The following TTC28 variants were observed in gnomAD, a reference collection of about 807,000 sequenced individuals.
The protein encoded by TTC28 is tetratricopeptide repeat protein 28.
A neutral mutation model predicts 198.0 loss-of-function variants in TTC28; 61 were observed. That is an observed-to-expected ratio of 0.31 (90% CI 0.25 to 0.38). TTC28 has a LOEUF of 0.38. Ranked by LOEUF, TTC28 falls within the 10% of genes least tolerant of loss-of-function variation. The probability of loss-of-function intolerance (pLI) is 1.00; values close to 1 mark genes in which losing one functional copy is unlikely to be tolerated. For synonymous variants in TTC28, 1,171 were observed against 1,297.8 expected, an observed-to-expected ratio of 0.90 and a Z score of 2.10; for missense variants, 2,678 against 3,164.0, an observed-to-expected ratio of 0.85 and a Z score of 3.69.
In TTC28 at chr22:28,409,528, A is replaced by G. The variant is rs569185423; in HGVS notation, c.382-102885T>C. ...CACTTTAAAAAATGTACACACGTTA[A>G]TATATATTATATATACATATGTTAT... is the stretch of plus-strand genomic sequence containing the variant. On this transcript the variant is annotated intron_variant, in intron 2 of 22. Coordinates refer to ENST00000397906, the MANE Select transcript of TTC28 (RefSeq NM_001145418.2). 3.3e-5 allele frequency among the ~76,000 whole-genome samples: 5 copies of G among 150,694 alleles called. No individual in the cohort carries two copies. In the East Asian group the frequency reaches 9.7e-4, roughly 29 times the overall value.
chr22:28,021,588 G>A (rs1938601418), intron 13 of TTC28, among the ~76,000 whole-genome samples: 1 of 152,192 alleles, frequency 6.6e-6, no homozygotes. Context: ...CCCTCGTGGA[G>A]TTCACAATTT....
intron 12 of TTC28, among the ~76,000 whole-genome samples, chr22:28,042,025 A>G (rs1939658024): frequency 6.6e-6 from 1 of 152,226 alleles, no homozygotes; most frequent in African/African-American, 2.4e-5. Flanking sequence ...CAAAACCACA[A>G]TGAGATACCA....
chr22:28,048,418 C>A lies in TTC28; in HGVS notation c.3933-18052G>T, dbSNP rs78337086. 3.0e-4 allele frequency among the ~76,000 whole-genome samples: 45 copies of A among 151,910 alleles called. No individual in the cohort carries two copies. The East Asian group carries it at 8.4e-3, about 28-fold the overall frequency. On this transcript the variant is annotated intron_variant, in intron 12 of 22. Transcript: ENST00000397906. ...ATGTGCCACCTAGTTCAGGGAGACC[C>A]TTTATGTCCTCTCAGAGGCAGCAAT... is the stretch of plus-strand genomic sequence containing the variant.
chr22:28,449,318 G>A (rs1442534278), intron 2 of TTC28, among the ~76,000 whole-genome samples: 2 of 152,218 alleles, frequency 1.3e-5, no homozygotes, highest in African/African-American at 4.8e-5. Flanking sequence ...GCATCTAATA[G>A]ATCTGAAATC....
intron 16 of TTC28, among the ~76,000 whole-genome samples, chr22:27,997,157 C>T (rs554495483): frequency 7.9e-5 from 12 of 152,290 alleles, no homozygotes; most frequent in African/African-American, 2.6e-4. Context: ...CTACTTTCTG[C>T]GTCTCCTAAG....
chr22:28,402,102 C>A (rs1341725239), intron 2 of TTC28, among the ~76,000 whole-genome samples: 2 of 152,220 alleles, frequency 1.3e-5, no homozygotes, highest in Admixed American at 1.3e-4. Flanking sequence ...GGCTGATGCA[C>A]TGAAGACTGA....
intron 5 of TTC28, among the ~76,000 whole-genome samples, chr22:28,176,065 T>C (rs1923137657): frequency 6.6e-6 from 1 of 152,152 alleles, no homozygotes; most frequent in African/African-American, 2.4e-5. Flanking sequence ...ACTGGTTATA[T>C]ATCCAAAGGA....
chr22:28,307,853 G>T (rs1272059105), intron 2 of TTC28, among the ~76,000 whole-genome samples: 2 of 151,950 alleles, frequency 1.3e-5, no homozygotes, highest in Non-Finnish European at 2.9e-5. Flanking sequence ...GGATCTAAAT[G>T]AAGTTTCAAA....
chr22:28,624,643 C>G (rs980551613), intron 2 of TTC28, among the ~76,000 whole-genome samples: 1 of 152,088 alleles, frequency 6.6e-6, no homozygotes, highest in Non-Finnish European at 1.5e-5. Flanking sequence ...TATGGCTTGA[C>G]TGGTGAATTC....
intron 5 of TTC28, among the ~76,000 whole-genome samples, chr22:28,223,284 A>G (rs751545690): frequency 3.5e-4 from 54 of 152,258 alleles, no homozygotes; most frequent in Non-Finnish European, 6.8e-4. Context: ...AAGAATTTAT[A>G]CAGTAGCATA....
intron 2 of TTC28, among the ~76,000 whole-genome samples, chr22:28,528,361 A>G (rs2049052163): frequency 6.6e-6 from 1 of 152,144 alleles, no homozygotes; most frequent in Non-Finnish European, 1.5e-5. Context: ...AAGTGGTTCC[A>G]TATTACTTCT....
chr22:28,566,509 C>T (rs1439712096), intron 2 of TTC28, among the ~76,000 whole-genome samples: 2 of 152,052 alleles, frequency 1.3e-5, no homozygotes, highest in African/African-American at 4.8e-5. Context: ...AGAGCCACTA[C>T]AAAAAATAAG....
intron 2 of TTC28, among the ~76,000 whole-genome samples, chr22:28,402,271 G>T (rs2046925173): frequency 6.6e-6 from 1 of 152,182 alleles, no homozygotes; most frequent in South Asian, 2.1e-4. Context: ...CAAGCTCCTG[G>T]TGTCCACAGT....
intron 2 of TTC28, among the ~76,000 whole-genome samples, chr22:28,312,921 G>A (rs578047314): frequency 6.6e-6 from 1 of 152,120 alleles, no homozygotes; most frequent in African/African-American, 2.4e-5. Context: ...ATGAATACAG[G>A]AGCTAGTTTT....
chr22:28,588,786 A>C (rs1006588639), intron 2 of TTC28, among the ~76,000 whole-genome samples: 1 of 152,206 alleles, frequency 6.6e-6, no homozygotes, highest in Non-Finnish European at 1.5e-5. Flanking sequence ...CCAAACCATC[A>C]GAATCTCGAG....
intron 16 of TTC28, 47 bp downstream of exon 16, chr22:27,998,493 C>A: frequency 6.6e-7 from 1 of 1,514,834 alleles, no homozygotes; most frequent in Admixed American, 2.0e-5. Flanking sequence ...GCTGTGAGGA[C>A]TGAGCCCCAG....
chr22:28,284,855 C>T (rs1032509984), intron 5 of TTC28, among the ~76,000 whole-genome samples: 1 of 152,072 alleles, frequency 6.6e-6, no homozygotes, highest in Admixed American at 6.5e-5. Flanking sequence ...CAATTGTTTG[C>T]AAGGGTGTGC....
At chr22:28,587,686 AT>A (rs2050342143) in intron 2 of TTC28, among the ~76,000 whole-genome samples, 1 of 151,702 alleles carries the variant, frequency 6.6e-6, no homozygotes, top group South Asian at 2.1e-4. Flanking sequence ...ACCTCAAGTG[AT>A]CCCCCCACCT....
At chr22:28,398,545 C>A (rs543498354) in intron 2 of TTC28, among the ~76,000 whole-genome samples, 6 of 152,276 alleles carry the variant, frequency 3.9e-5, no homozygotes, top group African/African-American at 1.4e-4. Flanking sequence ...GAGGGTGACT[C>A]CAGCATGTAA....
Sources: gnomAD v4.1 joint callset for allele counts (sites outside exome capture counted in the v4.1 genomes callset) on GRCh38, gnomAD v4.1.1 for gene constraint, MANE v1.5 for transcripts, NCBI Gene and HGNC (gene_info 2026-07-23, HGNC 2026-07-21) for gene names.